The following SMAP1 variants were observed in gnomAD, a reference collection of about 807,000 sequenced individuals.
The protein encoded by SMAP1 is stromal membrane-associated protein 1.
SMAP1 carries 24 observed loss-of-function variants against 58.5 expected under a neutral mutation model. That is an observed-to-expected ratio of 0.41 (90% CI 0.30 to 0.58). SMAP1 has a LOEUF of 0.58. Ranked by LOEUF, SMAP1 falls within the 20% of genes least tolerant of loss-of-function variation. The probability of loss-of-function intolerance (pLI) is 0.29; values close to 1 mark genes in which losing one functional copy is unlikely to be tolerated. For synonymous variants in SMAP1, 216 were observed against 196.6 expected (o/e 1.10, Z -0.82); for missense variants, 563 against 566.3 (o/e 0.99, Z 0.06).
chr6:70,736,088 A>G (rs12203717), intron 2 of SMAP1, among the ~76,000 whole-genome samples: 9,553 of 152,180 alleles, frequency 0.063, 373 homozygotes, highest in Middle Eastern at 0.16. Context: ...TATTATATGT[A>G]CCATATTTTT....
At chr6:70,681,496 T>C (rs1766709038) in intron 1 of SMAP1, among the ~76,000 whole-genome samples, 1 of 152,206 alleles carries the variant, frequency 6.6e-6, no homozygotes, top group South Asian at 2.1e-4. Flanking sequence ...TTACTGTAGA[T>C]TATGTAGCAG....
chr6:70,827,712 C>G (rs112164241), intron 6 of SMAP1, among the ~76,000 whole-genome samples: 4,628 of 152,270 alleles, frequency 0.03, 260 homozygotes, highest in African/African-American at 0.11. Flanking sequence ...TAAATGTCTT[C>G]AAGGCTGCTC....
At chr6:70,684,228 CTA>C (rs1184586220) in intron 1 of SMAP1, among the ~76,000 whole-genome samples, 1 of 152,040 alleles carries the variant, frequency 6.6e-6, no homozygotes, top group African/African-American at 2.4e-5. Flanking sequence ...ATGGTTATCT[CTA>C]TATAAATCTG....
chr6:70,833,846 G>A (rs1279075530), intron 6 of SMAP1, among the ~76,000 whole-genome samples: 1 of 152,050 alleles, frequency 6.6e-6, no homozygotes. Flanking sequence ...CTGCTAGTGG[G>A]CCCCACCTGC....
At chr6:70,682,292 G>A (rs1389043492) in intron 1 of SMAP1, among the ~76,000 whole-genome samples, 1 of 147,476 alleles carries the variant, frequency 6.8e-6, no homozygotes, top group South Asian at 2.2e-4. Context: ...GGGTTCAAGC[G>A]ATTCTCCTGC....
At position 70,742,299 on chromosome 6, in the gene SMAP1, C is replaced by G. The variant is rs141655333; in HGVS notation, c.252+9788C>G. Reference sequence around the variant, plus strand: ...AATGGTTTTAACAGCACCCAAGTCACCTCTTGAATGCTTTGCTGCTTAGGC... The same window carrying G: ...AATGGTTTTAACAGCACCCAAGTCAGCTCTTGAATGCTTTGCTGCTTAGGC... On this transcript the variant is annotated intron_variant, in intron 2 of 10. Transcript: ENST00000370455. Among the ~76,000 whole-genome samples, 309 of 152,312 alleles carry G rather than the reference C, an allele frequency of 2.0e-3. 1 individual carries two copies. The highest frequency in any genetic ancestry group is 6.1e-3 in the African/African-American group (252 of 41,586).
intron 1 of SMAP1, among the ~76,000 whole-genome samples, chr6:70,729,514 T>A (rs1164667048): frequency 2.0e-5 from 3 of 151,378 alleles, no homozygotes; most frequent in Non-Finnish European, 2.9e-5. Context: ...TGTATCCAGT[T>A]TGAACTTTAG....
At chr6:70,701,478 A>T (rs559989759) in intron 1 of SMAP1, among the ~76,000 whole-genome samples, 2 of 152,222 alleles carry the variant, frequency 1.3e-5, no homozygotes, top group East Asian at 3.9e-4. Context: ...TTTCAAGTTT[A>T]TTTAGGACCC....
intron 3 of SMAP1, among the ~76,000 whole-genome samples, chr6:70,768,784 C>T (rs200057991): frequency 1.9e-4 from 29 of 152,078 alleles, no homozygotes; most frequent in African/African-American, 5.5e-4. Flanking sequence ...ATTTCTTGCC[C>T]TCTGCTAGCT....
intron 4 of SMAP1, among the ~76,000 whole-genome samples, chr6:70,779,459 C>T (rs1029134954): frequency 2.0e-5 from 3 of 152,072 alleles, no homozygotes; most frequent in African/African-American, 7.2e-5. Flanking sequence ...TGCGTGGACT[C>T]CAGGCAGCTC....
At chr6:70,693,914 A>C (rs769967844) in intron 1 of SMAP1, 1 of 154,990 alleles carries the variant, frequency 6.5e-6, no homozygotes, top group African/African-American at 2.4e-5. Context: ...ATTGCTCACT[A>C]GAAGCTCATT....
intron 3 of SMAP1, among the ~76,000 whole-genome samples, chr6:70,756,455 G>A (rs1021555401): frequency 2.6e-5 from 4 of 152,022 alleles, no homozygotes; most frequent in Admixed American, 1.3e-4. Context: ...TCTGATATCC[G>A]AAGCTGTATT....
chr6:70,771,451 A>G (rs946879998), intron 3 of SMAP1, among the ~76,000 whole-genome samples: 1 of 152,206 alleles, frequency 6.6e-6, no homozygotes, highest in Non-Finnish European at 1.5e-5. Flanking sequence ...AAGCCTGGGC[A>G]ATGGCGGGCG....
At chr6:70,849,283 A>T (rs916717375) in intron 7 of SMAP1, among the ~76,000 whole-genome samples, 2 of 152,196 alleles carry the variant, frequency 1.3e-5, no homozygotes, top group African/African-American at 4.8e-5. Context: ...TCTAAAAAGG[A>T]TTCTGAAGTC....
chr6:70,690,260 A>G (rs190822826), intron 1 of SMAP1, among the ~76,000 whole-genome samples: 2 of 152,320 alleles, frequency 1.3e-5, no homozygotes, highest in Admixed American at 1.3e-4. Context: ...GAATTTTATC[A>G]AATGCTTTTC....
At chr6:70,859,567 T>A in intron 10 of SMAP1, 1 of 492,586 alleles carries the variant, frequency 2.0e-6, no homozygotes, top group Non-Finnish European at 3.5e-6. Context: ...ACCCACTCAC[T>A]ATATGGTAAA....
intron 6 of SMAP1, among the ~76,000 whole-genome samples, chr6:70,811,967 G>C (rs1036604040): frequency 6.6e-6 from 1 of 152,148 alleles, no homozygotes; most frequent in Non-Finnish European, 1.5e-5. Context: ...GGTGGGTAGC[G>C]TATAAAGCGT....
intron 6 of SMAP1, among the ~76,000 whole-genome samples, chr6:70,832,332 C>T (rs1402670440): frequency 6.6e-6 from 1 of 152,100 alleles, no homozygotes; most frequent in Admixed American, 6.6e-5. Flanking sequence ...TTTTGATAGG[C>T]TTTGCCCACC....
chr6:70,760,264 G>A (rs1766694257), intron 3 of SMAP1, among the ~76,000 whole-genome samples: 1 of 152,010 alleles, frequency 6.6e-6, no homozygotes, highest in South Asian at 2.1e-4. Context: ...ATTTGCTGTT[G>A]TTACCTCAGT....
Sources: gnomAD v4.1 joint callset for allele counts (sites outside exome capture counted in the v4.1 genomes callset) on GRCh38, gnomAD v4.1.1 for gene constraint, MANE v1.5 for transcripts, NCBI Gene and HGNC (gene_info 2026-07-23, HGNC 2026-07-21) for gene names.